PCDHGB4: variants seen among roughly 807,000 people sequenced by gnomAD.
PCDHGB4 encodes the protein protocadherin gamma-B4.
In PCDHGB4, 38 loss-of-function variants were observed where a neutral mutation model predicts 60.5. The ratio of observed to expected loss-of-function variants is 0.63; its 90% confidence interval spans 0.48 to 0.82. PCDHGB4 has a LOEUF of 0.82. PCDHGB4 is among the 40% of genes least tolerant of loss of function. The pLI, the probability that PCDHGB4 is intolerant of heterozygous loss-of-function variation, is 0.00. For synonymous variants in PCDHGB4, 456 were observed against 509.7 expected, an observed-to-expected ratio of 0.89 and a Z score of 1.42; for missense variants, 1,109 against 1,209.6, an observed-to-expected ratio of 0.92 and a Z score of 1.23.
In PCDHGB4 at chr5:141,485,251, C is replaced by T. The variant is rs748522322; in HGVS notation, c.2398-9556C>T. 7 of 1,614,092 alleles carry T rather than the reference C, an allele frequency of 4.3e-6. No individual in the cohort carries two copies. In the South Asian group the frequency reaches 6.6e-5, roughly 15 times the overall value. On this transcript the variant is annotated intron_variant, in intron 1 of 3. Transcript: ENST00000519479. This position sits in a 1 kb window ranked among gnomAD's most constrained non-coding sequence, Gnocchi z 5.7. The stretch of plus-strand genomic sequence containing the variant: ...TGTTCCTCTTTTACCACCTGGGTTA[C>T]GTTTGTGGGCAGATCCGCTACCCGG...
intron 1 of PCDHGB4, chr5:141,398,647 C>T: frequency 6.2e-7 from 1 of 1,614,070 alleles, no homozygotes; most frequent in Non-Finnish European, 8.5e-7. Context: ...TAAACTCTCT[C>T]TTAACCCAAG....
intron 1 of PCDHGB4, among the ~76,000 whole-genome samples, chr5:141,475,339 T>C (rs1295364417): frequency 1.3e-5 from 2 of 152,188 alleles, no homozygotes; most frequent in Non-Finnish European, 2.9e-5. Flanking sequence ...AACAATGACA[T>C]CCAGTTTTAA....
intron 1 of PCDHGB4, among the ~76,000 whole-genome samples, chr5:141,488,289 TAAGTGAA>T (rs1389982829): frequency 6.6e-6 from 1 of 152,186 alleles, no homozygotes; most frequent in Non-Finnish European, 1.5e-5. Context: ...GAAAAAACAG[TAAGTGAA>T]ATCACTTATG....
intron 2 of PCDHGB4, among the ~76,000 whole-genome samples, chr5:141,502,894 G>C (rs1342496006): frequency 6.8e-6 from 1 of 147,968 alleles, no homozygotes; most frequent in Non-Finnish European, 1.5e-5. Context: ...AGGGAGTCTA[G>C]CTCTGTTGCC....
At chr5:141,393,777 G>A (rs1388423635) in intron 1 of PCDHGB4, 2 of 1,613,916 alleles carry the variant, frequency 1.2e-6, no homozygotes, top group East Asian at 2.2e-5. Context: ...AATACAAGCC[G>A]AAGATGTGGG....
intron 2 of PCDHGB4, among the ~76,000 whole-genome samples, chr5:141,499,112 A>G (rs550424495): frequency 6.6e-6 from 1 of 152,238 alleles, no homozygotes; most frequent in African/African-American, 2.4e-5. Context: ...CCCCACCACT[A>G]TCCCTTCTCA....
chr5:141,477,438 C>G lies in PCDHGB4; in HGVS notation c.2398-17369C>G. 6.2e-7 allele frequency: 1 copy of G among 1,614,174 alleles called. No homozygotes were observed. Among genetic ancestry groups the G allele is most frequent in the Non-Finnish European group, 8.5e-7 (1 of 1,180,030 alleles). On this transcript the variant is annotated intron_variant, in intron 1 of 3. Coordinates refer to ENST00000519479, the MANE Select transcript of PCDHGB4 (RefSeq NM_003736.4). The surrounding 1 kb of genome is among the most constrained non-coding windows in gnomAD (Gnocchi z 4.9). ...GGAACCCCTTCCCTCTCAGCCCTTACAATAGTGCGTGTTCAAGTGTCCGAC... is the reference window on the plus strand; with the variant it reads ...GGAACCCCTTCCCTCTCAGCCCTTAGAATAGTGCGTGTTCAAGTGTCCGAC...
At chr5:141,446,718 C>G (rs1279970040) in intron 1 of PCDHGB4, among the ~76,000 whole-genome samples, 1 of 152,174 alleles carries the variant, frequency 6.6e-6, no homozygotes, top group Non-Finnish European at 1.5e-5. Flanking sequence ...CTGCCCGCCT[C>G]GGCCTCCCAA....
At chr5:141,418,654 G>C (rs2096278227) in intron 1 of PCDHGB4, 1 of 1,614,016 alleles carries the variant, frequency 6.2e-7, no homozygotes, top group African/African-American at 1.3e-5. Context: ...TGAGAGTGAA[G>C]GCCACTGACC....
intron 1 of PCDHGB4, among the ~76,000 whole-genome samples, chr5:141,455,133 CTG>C (rs2098814252): frequency 6.6e-6 from 1 of 151,392 alleles, no homozygotes; most frequent in African/African-American, 2.4e-5. Flanking sequence ...TTAAATTACA[CTG>C]TGTTAAATAA....
rs756658304 is a variant in PCDHGB4, at chr5:141,485,531, G to C, written c.2398-9276G>C. 6.8e-6 allele frequency: 11 copies of C among 1,614,218 alleles called. No homozygotes were observed. In the Admixed American group the frequency reaches 1.5e-4, roughly 22 times the overall value. On this transcript the variant is annotated intron_variant, in intron 1 of 3. Transcript: ENST00000519479. This position sits in a 1 kb window ranked among gnomAD's most constrained non-coding sequence, Gnocchi z 5.7. ...AGGTCCTTTGGAAATGTACCGAGCA[G>C]AGGTAGAGATCGTAGATGTGAATGA... is the stretch of plus-strand genomic sequence containing the variant.
chr5:141,482,086 T>C (rs1435200188), intron 1 of PCDHGB4, among the ~76,000 whole-genome samples: 6 of 93,070 alleles, frequency 6.4e-5, no homozygotes, highest in African/African-American at 3.7e-4. Flanking sequence ...ACTCACTCCA[T>C]CTCAAAAAAA....
chr5:141,428,043 A>G, intron 1 of PCDHGB4: 1 of 1,608,722 alleles, frequency 6.2e-7, no homozygotes, highest in Non-Finnish European at 8.5e-7. Flanking sequence ...CTACCTGGTG[A>G]CCAAGGTGGT....
chr5:141,497,877 G>C (rs1057284578), intron 2 of PCDHGB4, among the ~76,000 whole-genome samples: 6 of 152,148 alleles, frequency 3.9e-5, no homozygotes, highest in Admixed American at 2.6e-4. Context: ...AGTGAAATAA[G>C]CGTTAGGATC....
At chr5:141,475,146 G>A (rs938308425) in intron 1 of PCDHGB4, among the ~76,000 whole-genome samples, 3 of 152,014 alleles carry the variant, frequency 2.0e-5, no homozygotes, top group African/African-American at 4.8e-5. Context: ...AATCTTCTCC[G>A]TCTTCTTCTT....
chr5:141,399,639 C>A lies in PCDHGB4; in HGVS notation c.2397+9358C>A, dbSNP rs1405309490. On this transcript the variant is annotated intron_variant, in intron 1 of 3. Transcript: ENST00000519479. ...CACTGGCCTCTTACGTGTCCATGAG[C>A]GCGCAAAGTGGGGTGGTGTTCGCGC... 5 of 1,613,858 alleles carry A rather than the reference C, an allele frequency of 3.1e-6. No individual in the cohort carries two copies. The highest frequency in any genetic ancestry group is 3.4e-6 in the Non-Finnish European group (4 of 1,179,886).
intron 1 of PCDHGB4, among the ~76,000 whole-genome samples, chr5:141,449,345 T>C (rs2154562594): frequency 1.3e-5 from 2 of 151,644 alleles, no homozygotes; most frequent in South Asian, 4.2e-4. Context: ...AGTGGCTCAC[T>C]CCTGTAATCC....
intron 1 of PCDHGB4, among the ~76,000 whole-genome samples, chr5:141,407,446 C>T (rs1314408901): frequency 6.7e-6 from 1 of 149,410 alleles, no homozygotes. Context: ...AACCAGAACA[C>T]GAGGCTCACC....
At position 141,490,954 on chromosome 5, in the gene PCDHGB4, G is replaced by A. The variant is rs749646808; in HGVS notation, c.2398-3853G>A. On this transcript the variant is annotated intron_variant, in intron 1 of 3. Coordinates refer to ENST00000519479, the MANE Select transcript of PCDHGB4 (RefSeq NM_003736.4). This position sits in a 1 kb window ranked among gnomAD's most constrained non-coding sequence, Gnocchi z 5.4. ...TGTGCTGCACCCACGGCCAGACTGGGAACACTCAGCCCCCCAGCGTCTCCC... is the reference window on the plus strand; with the variant it reads ...TGTGCTGCACCCACGGCCAGACTGGAAACACTCAGCCCCCCAGCGTCTCCC... 9 of 1,613,662 alleles carry A rather than the reference G, an allele frequency of 5.6e-6. No individual in the cohort carries two copies. The African/African-American group carries it at 8.0e-5, about 14-fold the overall frequency.
Sources: gnomAD v4.1 joint callset for allele counts (sites outside exome capture counted in the v4.1 genomes callset) on GRCh38, gnomAD v4.1.1 for gene constraint, Gnocchi (gnomAD v3.1) non-coding constraint, MANE v1.5 for transcripts, NCBI Gene and HGNC (gene_info 2026-07-23, HGNC 2026-07-21) for gene names.